The following TAFA4 variants were observed in gnomAD, a reference collection of about 807,000 sequenced individuals.
The protein encoded by TAFA4 is chemokine-like protein TAFA-4.
TAFA4 carries 20 observed loss-of-function variants against 21.1 expected under a neutral mutation model. The ratio of observed to expected loss-of-function variants is 0.95; its 90% CI spans 0.67 to 1.38. The LOEUF (loss-of-function observed/expected upper bound fraction) is 1.38, where lower values mean the gene tolerates loss of function less well. Ranked by LOEUF, TAFA4 falls within the 40% of genes most tolerant of loss-of-function variation. The pLI is 0.00. For missense variants in TAFA4, 211 were observed against 180.9 expected (o/e 1.17, Z -0.95); for synonymous variants, 71 against 67.4 (o/e 1.05, Z -0.26).
chr3:68,734,817 G>T (rs1702210262), intron 5 of TAFA4, among the ~76,000 whole-genome samples: 1 of 152,098 alleles, frequency 6.6e-6, no homozygotes, highest in Admixed American at 6.6e-5. Flanking sequence ...TCAGGGAATG[G>T]TGGCTATTGT....
intron 3 of TAFA4, among the ~76,000 whole-genome samples, chr3:68,851,545 A>C (rs1704950507): frequency 6.6e-6 from 1 of 152,146 alleles, no homozygotes; most frequent in South Asian, 2.1e-4. Flanking sequence ...GTGACCGTAG[A>C]AACTGGGTGA....
intron 3 of TAFA4, among the ~76,000 whole-genome samples, chr3:68,843,786 T>C (rs187865858): frequency 4.6e-5 from 7 of 152,396 alleles, no homozygotes; most frequent in Admixed American, 3.9e-4. Context: ...ATGTGGTTTT[T>C]GTCATTGGTT....
At chr3:68,882,242 CT>C (rs1313965564) in intron 2 of TAFA4, among the ~76,000 whole-genome samples, 5 of 151,970 alleles carry the variant, frequency 3.3e-5, no homozygotes, top group African/African-American at 9.7e-5. Flanking sequence ...GAAATTGTCC[CT>C]TTTGGGGCCA....
intron 3 of TAFA4, among the ~76,000 whole-genome samples, chr3:68,787,327 C>A (rs1703279704): frequency 6.6e-6 from 1 of 152,166 alleles, no homozygotes; most frequent in Non-Finnish European, 1.5e-5. Flanking sequence ...GCTGTTCATC[C>A]ATTAGGCTGA....
chr3:68,761,837 G>A (rs546596667), intron 3 of TAFA4, among the ~76,000 whole-genome samples: 1 of 152,304 alleles, frequency 6.6e-6, no homozygotes, highest in Non-Finnish European at 1.5e-5. Flanking sequence ...GTAGGAAGAA[G>A]AGGTTGGATT....
At chr3:68,750,842 T>C (rs1444908659) in intron 4 of TAFA4, among the ~76,000 whole-genome samples, 28 of 152,184 alleles carry the variant, frequency 1.8e-4, no homozygotes, top group Admixed American at 1.8e-3. Context: ...GAGAGCAATC[T>C]GTGATTAGCA....
chr3:68,861,348 C>T lies in TAFA4; in HGVS notation c.130+19382G>A, dbSNP rs192537710. ...CCCACTTGTATATGAAAAGCTGAGA[C>T]GACAGGCTGCAGGAAAAATTACTTT... On this transcript the variant is annotated intron_variant, in intron 3 of 5. Transcript: ENST00000295569. 7.8e-4 allele frequency among the ~76,000 whole-genome samples: 118 copies of T among 151,910 alleles called. 1 individual carries two copies. The highest frequency in any genetic ancestry group is 1.9e-3 in the South Asian group (9 of 4,778).
At chr3:68,767,438 C>T (rs1018840002) in intron 3 of TAFA4, among the ~76,000 whole-genome samples, 5 of 151,928 alleles carry the variant, frequency 3.3e-5, no homozygotes, top group Admixed American at 3.3e-4. Flanking sequence ...CAAACATTTA[C>T]ACATGCAAAT....
intron 1 of TAFA4, among the ~76,000 whole-genome samples, chr3:68,898,307 C>T (rs1024767347): frequency 1.3e-5 from 2 of 152,132 alleles, no homozygotes; most frequent in African/African-American, 2.4e-5. Flanking sequence ...GTTTTGCCCT[C>T]GTGTTTAAGT....
At chr3:68,895,500 G>C (rs1222649443) in intron 1 of TAFA4, among the ~76,000 whole-genome samples, 1 of 152,142 alleles carries the variant, frequency 6.6e-6, no homozygotes, top group East Asian at 1.9e-4. Context: ...GGTTTGTTTT[G>C]TTTTGATTTG....
chr3:68,907,124 C>T (rs529694432), intron 1 of TAFA4, among the ~76,000 whole-genome samples: 9 of 150,914 alleles, frequency 6.0e-5, no homozygotes, highest in African/African-American at 1.9e-4. Context: ...ACATTACACC[C>T]ATCATGAAAA....
chr3:68,882,735 T>G (rs1181613026), intron 2 of TAFA4, among the ~76,000 whole-genome samples: 2 of 152,234 alleles, frequency 1.3e-5, no homozygotes, highest in African/African-American at 4.8e-5. Context: ...ATTATGTGAT[T>G]GATAATAGCA....
At chr3:68,789,247 AT>A (rs1426392544) in intron 3 of TAFA4, among the ~76,000 whole-genome samples, 1 of 149,226 alleles carries the variant, frequency 6.7e-6, no homozygotes, top group Non-Finnish European at 1.5e-5. Context: ...AAAAAAAAAA[AT>A]CTTTAATCCA....
chr3:68,793,175 G>T (rs1407055278), intron 3 of TAFA4, among the ~76,000 whole-genome samples: 1 of 152,134 alleles, frequency 6.6e-6, no homozygotes, highest in African/African-American at 2.4e-5. Flanking sequence ...CTGGGAGATG[G>T]ATCTTTGAGT....
chr3:68,792,578 CA>C, intron 3 of TAFA4, among the ~76,000 whole-genome samples: 1 of 152,116 alleles, frequency 6.6e-6, no homozygotes. Context: ...AAATATGACA[CA>C]CACATACTCC....
chr3:68,887,916 T>C (rs575448120), intron 1 of TAFA4, among the ~76,000 whole-genome samples: 14 of 152,268 alleles, frequency 9.2e-5, no homozygotes, highest in African/African-American at 3.4e-4. Flanking sequence ...GCAATCTCTT[T>C]TGCCTGACCA....
At chr3:68,735,003 T>C (rs1702213183) in intron 5 of TAFA4, among the ~76,000 whole-genome samples, 1 of 152,142 alleles carries the variant, frequency 6.6e-6, no homozygotes, top group Non-Finnish European at 1.5e-5. Context: ...ACTGATTACA[T>C]GTGGAAGATT....
intron 3 of TAFA4, among the ~76,000 whole-genome samples, chr3:68,753,526 G>A (rs1241955228): frequency 6.6e-6 from 1 of 151,958 alleles, no homozygotes; most frequent in African/African-American, 2.4e-5. Context: ...AGTAGAGACA[G>A]GGTTTCACAA....
At chr3:68,824,933 G>A (rs891989813) in intron 3 of TAFA4, among the ~76,000 whole-genome samples, 8 of 152,098 alleles carry the variant, frequency 5.3e-5, no homozygotes, top group African/African-American at 1.2e-4. Flanking sequence ...TGCTTGCTTG[G>A]TCAACTCTCA....
Sources: gnomAD v4.1 joint callset for allele counts (sites outside exome capture counted in the v4.1 genomes callset) on GRCh38, gnomAD v4.1.1 for gene constraint, MANE v1.5 for transcripts, NCBI Gene and HGNC (gene_info 2026-07-23, HGNC 2026-07-21) for gene names.